Variants in CSMD3 observed in about 807,000 individuals in gnomAD.
The protein encoded by CSMD3 is CUB and Sushi multiple domains 3, also known as CUB and sushi domain-containing protein 3.
In CSMD3, 177 loss-of-function variants were observed where a neutral mutation model predicts 435.2. The observed-to-expected ratio is 0.41, with a 90% CI of 0.36 to 0.46. The LOEUF is 0.46. Ranked by LOEUF, CSMD3 falls within the 20% of genes least tolerant of loss-of-function variation. The pLI is 0.34. For missense variants in CSMD3, 4,265 were observed against 4,504.6 expected, an observed-to-expected ratio of 0.95 and a Z score of 1.52; for synonymous variants, 1,656 against 1,520.5, an observed-to-expected ratio of 1.09 and a Z score of -2.07.
intron 4 of CSMD3, among the ~76,000 whole-genome samples, chr8:113,130,004 T>C (rs942661258): frequency 3.3e-5 from 5 of 151,934 alleles, no homozygotes; most frequent in Non-Finnish European, 7.4e-5. Context: ...AAGGATATAA[T>C]GAATAATACT....
chr8:112,483,026 A>G (rs1259610392), intron 31 of CSMD3, among the ~76,000 whole-genome samples: 1 of 152,138 alleles, frequency 6.6e-6, no homozygotes, highest in Non-Finnish European at 1.5e-5. Context: ...ACCTGTTTTT[A>G]TAATAGGTTT....
chr8:113,028,150 T>G (rs1314479077), intron 5 of CSMD3, among the ~76,000 whole-genome samples: 1 of 152,128 alleles, frequency 6.6e-6, no homozygotes, highest in African/African-American at 2.4e-5. Context: ...ATAATTCTCA[T>G]AACATGTCAA....
intron 22 of CSMD3, among the ~76,000 whole-genome samples, chr8:112,603,148 G>A (rs571829138): frequency 6.6e-6 from 1 of 152,198 alleles, no homozygotes; most frequent in Non-Finnish European, 1.5e-5. Context: ...AAAGTGTCGG[G>A]ATTGCAGGCG....
chr8:113,195,518 ATATAAG>A (rs565948589), intron 3 of CSMD3, among the ~76,000 whole-genome samples: 110 of 150,830 alleles, frequency 7.3e-4, no homozygotes, highest in Middle Eastern at 3.4e-3. Flanking sequence ...TAAATATTTA[ATATAAG>A]TATATCTCAA....
intron 42 of CSMD3, among the ~76,000 whole-genome samples, chr8:112,338,808 T>C (rs1266371438): frequency 6.6e-6 from 1 of 152,152 alleles, no homozygotes; most frequent in Non-Finnish European, 1.5e-5. Context: ...GAGTTCTTAT[T>C]CCAACTTAAG....
At chr8:112,428,482 G>T (rs1480816206) in intron 32 of CSMD3, among the ~76,000 whole-genome samples, 1 of 152,008 alleles carries the variant, frequency 6.6e-6, no homozygotes, top group East Asian at 1.9e-4. Context: ...TAGAAACCAG[G>T]TTAATATCCA....
intron 13 of CSMD3, among the ~76,000 whole-genome samples, chr8:112,779,778 C>A (rs2078337443): frequency 6.6e-6 from 1 of 151,966 alleles, no homozygotes; most frequent in African/African-American, 2.4e-5. Context: ...ATCAAGATTT[C>A]TTTCTCATGT....
chr8:113,089,149 T>C (rs994028425), intron 5 of CSMD3, among the ~76,000 whole-genome samples: 1 of 152,132 alleles, frequency 6.6e-6, no homozygotes. Context: ...CCTGATGTAC[T>C]ACTTTTCTTT....
chr8:112,379,659 A>G (rs1373085802), intron 38 of CSMD3, among the ~76,000 whole-genome samples: 1 of 152,210 alleles, frequency 6.6e-6, no homozygotes, highest in Non-Finnish European at 1.5e-5. Flanking sequence ...TTTTTCCAAA[A>G]ATAAAAAAAG....
At chr8:112,712,561 G>C (rs555088704) in intron 13 of CSMD3, among the ~76,000 whole-genome samples, 4 of 152,186 alleles carry the variant, frequency 2.6e-5, no homozygotes, top group African/African-American at 9.6e-5. Context: ...AGAGTAACTG[G>C]ATTAATATTT....
In CSMD3 at chr8:113,146,181, A is replaced by G. The variant is rs1338975727; in HGVS notation, c.709+27541T>C. ...AGTATAGAAAATGAAGCCCAAAAGC[A>G]AAACAGTGAATGCTTATTGTGTTTC... On this transcript the variant is annotated intron_variant, in intron 4 of 70. Transcript: ENST00000297405. Among the ~76,000 whole-genome samples the G allele has an allele frequency of 2.6e-5, 4 of 151,638 alleles. No individual in the cohort carries two copies. In the East Asian group the frequency reaches 7.8e-4, roughly 29 times the overall value.
At chr8:112,395,663 C>T (rs1330051749) in intron 35 of CSMD3, among the ~76,000 whole-genome samples, 1 of 152,056 alleles carries the variant, frequency 6.6e-6, no homozygotes, top group African/African-American at 2.4e-5. Flanking sequence ...TCAAAAAAGA[C>T]CTCCCACTAA....
chr8:113,266,492 G>A (rs2093472653), intron 3 of CSMD3, among the ~76,000 whole-genome samples: 1 of 151,348 alleles, frequency 6.6e-6, no homozygotes, highest in South Asian at 2.1e-4. Flanking sequence ...TTTCTAAAAT[G>A]TATACAGTTC....
chr8:112,320,581 C>T (rs548883774), intron 45 of CSMD3, among the ~76,000 whole-genome samples: 15 of 151,624 alleles, frequency 9.9e-5, no homozygotes, highest in Non-Finnish European at 4.4e-5. Context: ...TGTTGGTGTG[C>T]TGCACCCATT....
At chr8:112,450,327 T>C (rs541053659) in intron 32 of CSMD3, among the ~76,000 whole-genome samples, 2 of 152,320 alleles carry the variant, frequency 1.3e-5, no homozygotes, top group Non-Finnish European at 2.9e-5. Flanking sequence ...TTTCTTACAT[T>C]GTAATTAATA....
rs1398941929 is a variant in CSMD3, at chr8:113,327,962, G to C, written c.179-13169C>G. Among the ~76,000 whole-genome samples, 11 of 152,104 alleles carry C rather than the reference G, an allele frequency of 7.2e-5. No individual in the cohort carries two copies. In the East Asian group the frequency reaches 1.9e-3, roughly 27 times the overall value. On this transcript the variant is annotated intron_variant, in intron 1 of 70. Transcript: ENST00000297405. ...CAGGCCTGTGTGAATGCTAAGCTGA[G>C]AGAGAACCAGTCTCTCACTTACGGA...
intron 1 of CSMD3, among the ~76,000 whole-genome samples, chr8:113,317,392 C>T (rs1463328895): frequency 6.6e-6 from 1 of 152,098 alleles, no homozygotes; most frequent in Non-Finnish European, 1.5e-5. Flanking sequence ...GCCCCATAAC[C>T]CTGATAGTTT....
At position 113,012,222 on chromosome 8, in the gene CSMD3, G is replaced by T. The variant is rs560547061; in HGVS notation, c.1030+6845C>A. ...GCCTATGTATGAAAGCATGTTTTGAGATAATAATTTAAATATATTATTTAT... is the reference window on the plus strand; with the variant it reads ...GCCTATGTATGAAAGCATGTTTTGATATAATAATTTAAATATATTATTTAT... On this transcript the variant is annotated intron_variant, in intron 6 of 70. Coordinates refer to ENST00000297405, the MANE Select transcript of CSMD3 (RefSeq NM_198123.2). Among the ~76,000 whole-genome samples the T allele has an allele frequency of 3.3e-5, 5 of 151,600 alleles. No homozygotes were observed. In the South Asian group the frequency reaches 1.0e-3, roughly 31 times the overall value.
chr8:112,949,238 A>C (rs1168675405), intron 8 of CSMD3, among the ~76,000 whole-genome samples: 2 of 152,054 alleles, frequency 1.3e-5, no homozygotes, highest in East Asian at 1.9e-4. Flanking sequence ...TCGTTTTCTA[A>C]ATTAAACATC....
Sources: allele counts gnomAD v4.1 joint callset (sites outside exome capture counted in the v4.1 genomes callset), GRCh38; gene constraint gnomAD v4.1.1; transcripts MANE v1.5; gene names NCBI Gene and HGNC (gene_info 2026-07-23, HGNC 2026-07-21).